RBFOX3: variants seen among roughly 807,000 people sequenced by gnomAD.
RBFOX3 encodes RNA binding fox-1 homolog 3, also known as RNA binding protein fox-1 homolog 3.
Under a neutral mutation model 48.7 loss-of-function variants are expected in RBFOX3, and 17 were observed. That is an observed-to-expected ratio of 0.35 (90% CI 0.24 to 0.52). RBFOX3 has a LOEUF of 0.52. Ranked by LOEUF, RBFOX3 falls within the 20% of genes least tolerant of loss-of-function variation. The pLI is 0.94. For synonymous variants in RBFOX3, 212 were observed against 209.5 expected (o/e 1.01, Z -0.10); for missense variants, 382 against 497.5 (o/e 0.77, Z 2.21).
At position 79,299,910 on chromosome 17, in the gene RBFOX3, T is replaced by TA. The variant is rs1176233321; in HGVS notation, c.-74+7813_-74+7814insT. Reference sequence around the variant, plus strand: ...TCCAAAGGAATCTGCCGACACTCTTTTTTTTTTTTTTTGAGACAGTGTCTC... The same window carrying TA: ...TCCAAAGGAATCTGCCGACACTCTTTATTTTTTTTTTTTGAGACAGTGTCTC... On this transcript the variant is annotated intron_variant, in intron 3 of 14. Transcript: ENST00000693108. This position sits in a 1 kb window ranked among gnomAD's most constrained non-coding sequence, Gnocchi z 4.5. 1.2e-4 allele frequency among the ~76,000 whole-genome samples: 18 copies of TA among 150,974 alleles called. No homozygotes were observed. The highest frequency in any genetic ancestry group is 4.1e-4 in the African/African-American group (17 of 41,384).
At chr17:79,487,474 G>A (rs2079799990) in intron 1 of RBFOX3, among the ~76,000 whole-genome samples, 1 of 152,200 alleles carries the variant, frequency 6.6e-6, no homozygotes, top group Admixed American at 6.5e-5. Context: ...AGGAGAGCCT[G>A]GCCGAATCAC....
At chr17:79,549,323 C>A (rs1200323235) in intron 1 of RBFOX3, among the ~76,000 whole-genome samples, 2 of 152,238 alleles carry the variant, frequency 1.3e-5, no homozygotes, top group African/African-American at 2.4e-5. Flanking sequence ...CTGGTCCCAG[C>A]CCACTCCTCT....
At chr17:79,268,269 C>G (rs986484673) in intron 3 of RBFOX3, among the ~76,000 whole-genome samples, 6 of 152,124 alleles carry the variant, frequency 3.9e-5, no homozygotes, top group African/African-American at 1.4e-4. Context: ...CCTCTGTAAC[C>G]GTCCCAGTGT....
At chr17:79,442,047 A>G (rs1396331685) in intron 2 of RBFOX3, among the ~76,000 whole-genome samples, 1 of 151,512 alleles carries the variant, frequency 6.6e-6, no homozygotes, top group Non-Finnish European at 1.5e-5. Context: ...AAGAGCAAAG[A>G]TGCTCTTCAA....
chr17:79,406,344 G>A (rs1245283488), intron 2 of RBFOX3, among the ~76,000 whole-genome samples: 2 of 152,146 alleles, frequency 1.3e-5, no homozygotes, highest in African/African-American at 4.8e-5. Flanking sequence ...GGCTCCCGCT[G>A]GGGGATCTTG....
chr17:79,515,324 A>G (rs910959867), intron 1 of RBFOX3, among the ~76,000 whole-genome samples: 2 of 152,046 alleles, frequency 1.3e-5, no homozygotes, highest in Non-Finnish European at 2.9e-5. Flanking sequence ...CAGCTGGGAG[A>G]CAGCACATGG....
At chr17:79,466,975 CCTGT>C (rs1485061400) in intron 2 of RBFOX3, among the ~76,000 whole-genome samples, 1 of 152,224 alleles carries the variant, frequency 6.6e-6, no homozygotes, top group Non-Finnish European at 1.5e-5. Flanking sequence ...TGGGGACATC[CCTGT>C]CTGTGAACCA....
intron 1 of RBFOX3, among the ~76,000 whole-genome samples, chr17:79,513,598 G>A (rs1479727642): frequency 6.6e-6 from 1 of 152,332 alleles, no homozygotes; most frequent in South Asian, 2.1e-4. Flanking sequence ...GGGCCTCCTT[G>A]GAACCAGACT....
chr17:79,100,554 T>G (rs1455470279), intron 9 of RBFOX3: 1 of 152,142 alleles, frequency 6.6e-6, no homozygotes, highest in African/African-American at 2.4e-5. Flanking sequence ...CAGGCTTCCA[T>G]GCTGGTTGTC....
intron 2 of RBFOX3, among the ~76,000 whole-genome samples, chr17:79,433,930 A>G (rs2068926819): frequency 6.6e-6 from 1 of 152,198 alleles, no homozygotes; most frequent in African/African-American, 2.4e-5. Flanking sequence ...ACTGTATTTC[A>G]TATATACTGT....
intron 2 of RBFOX3, among the ~76,000 whole-genome samples, chr17:79,325,963 T>C (rs928243965): frequency 2.6e-5 from 4 of 152,158 alleles, no homozygotes; most frequent in African/African-American, 9.7e-5. Context: ...CAGAGGGGGA[T>C]AGATTTATGA....
At chr17:79,379,681 GGCCACACAGCTCA>G (rs2059645783) in intron 2 of RBFOX3, among the ~76,000 whole-genome samples, 1 of 152,122 alleles carries the variant, frequency 6.6e-6, no homozygotes, top group Non-Finnish European at 1.5e-5. Flanking sequence ...TTGTGGTGAG[GGCCACACAGCTCA>G]GCCCCCGCAA....
At chr17:79,277,814 T>G (rs1485027670) in intron 3 of RBFOX3, among the ~76,000 whole-genome samples, 1 of 152,210 alleles carries the variant, frequency 6.6e-6, no homozygotes, top group African/African-American at 2.4e-5. Context: ...AGACAGCGTG[T>G]GCAAACACAG....
rs2062577477 is a variant in RBFOX3, at chr17:79,242,780, C to T, written c.-73-6975G>A. 1.3e-5 allele frequency among the ~76,000 whole-genome samples: 2 copies of T among 152,158 alleles called. No individual in the cohort carries two copies. ...CCCTTACTGGGCCTCCACAGGGCAG[C>T]AGGGCAGGGCTTAGGGGTTATACGC... is the stretch of plus-strand genomic sequence containing the variant. On this transcript the variant is annotated intron_variant, in intron 3 of 14. Transcript: ENST00000693108. The surrounding 1 kb of genome is among the most constrained non-coding windows in gnomAD (Gnocchi z 5.8).
At chr17:79,102,261 C>T (rs933385747) in intron 8 of RBFOX3, among the ~76,000 whole-genome samples, 71 of 152,314 alleles carry the variant, frequency 4.7e-4, no homozygotes, top group African/African-American at 1.6e-3. Context: ...GAAGACGAGG[C>T]ATGTGTGGGA....
chr17:79,573,875 C>T (rs942610142), intron 1 of RBFOX3, among the ~76,000 whole-genome samples: 1 of 152,186 alleles, frequency 6.6e-6, no homozygotes, highest in Non-Finnish European at 1.5e-5. Flanking sequence ...AAAGACAATG[C>T]CTCCTTCTCC....
chr17:79,434,792 G>A (rs1555730192), intron 2 of RBFOX3, among the ~76,000 whole-genome samples: 1 of 152,166 alleles, frequency 6.6e-6, no homozygotes, highest in African/African-American at 2.4e-5. Context: ...GTTTTACTCA[G>A]GTTCATTAAT....
intron 1 of RBFOX3, among the ~76,000 whole-genome samples, chr17:79,556,091 G>A (rs1009026604): frequency 8.4e-4 from 128 of 152,236 alleles, no homozygotes; most frequent in African/African-American, 2.7e-3. Flanking sequence ...TCATCCAGAC[G>A]CAATTCCTCC....
chr17:79,150,182 G>A (rs1226209403), intron 4 of RBFOX3, among the ~76,000 whole-genome samples: 10 of 151,826 alleles, frequency 6.6e-5, no homozygotes, highest in Non-Finnish European at 1.0e-4. Context: ...GGTGGGCAGC[G>A]GTGGGCGGCA....
Sources: gnomAD v4.1 joint callset for allele counts (sites outside exome capture counted in the v4.1 genomes callset) on GRCh38, gnomAD v4.1.1 for gene constraint, Gnocchi (gnomAD v3.1) non-coding constraint, MANE v1.5 for transcripts, NCBI Gene and HGNC (gene_info 2026-07-23, HGNC 2026-07-21) for gene names.